Variants in NREP observed in about 807,000 individuals in gnomAD.
The protein encoded by NREP is neuronal regeneration related protein.
Under a neutral mutation model 8.6 loss-of-function variants are expected in NREP, and 5 were observed. The ratio of observed to expected loss-of-function variants is 0.58; its 90% confidence interval spans 0.30 to 1.22. The LOEUF is 1.22. NREP is among the 50% of genes most tolerant of loss of function. The pLI is 0.07. For synonymous variants in NREP, 27 were observed against 28.0 expected, an observed-to-expected ratio of 0.96 and a Z score of 0.11; for missense variants, 86 against 82.5, an observed-to-expected ratio of 1.04 and a Z score of -0.17.
chr5:111,836,657 G>A (rs754731602), intron 2 of NREP, among the ~76,000 whole-genome samples: 1 of 152,008 alleles, frequency 6.6e-6, no homozygotes, highest in Admixed American at 6.6e-5. Flanking sequence ...CCAGAGAAGG[G>A]AGAGAGAGCA....
At chr5:111,874,179 T>A (rs930593595) in intron 2 of NREP, among the ~76,000 whole-genome samples, 3 of 148,670 alleles carry the variant, frequency 2.0e-5, no homozygotes, top group African/African-American at 7.8e-5. Context: ...CATTTTCATA[T>A]ATGTTTTAAA....
intron 2 of NREP, among the ~76,000 whole-genome samples, chr5:111,955,743 A>C (rs1756296416): frequency 6.6e-6 from 1 of 152,056 alleles, no homozygotes; most frequent in South Asian, 2.1e-4. Context: ...GAATAATGAG[A>C]AATATCCAGG....
intron 2 of NREP, among the ~76,000 whole-genome samples, chr5:111,869,726 G>GT (rs2112494176): frequency 6.6e-6 from 1 of 152,284 alleles, no homozygotes; most frequent in African/African-American, 2.4e-5. Context: ...GCATTATGGA[G>GT]TAAAGAATGA....
chr5:111,870,509 T>A (rs1263901793), intron 2 of NREP, among the ~76,000 whole-genome samples: 2 of 152,220 alleles, frequency 1.3e-5, no homozygotes, highest in Non-Finnish European at 2.9e-5. Flanking sequence ...GATTAATTTT[T>A]AAAAATTGAT....
intron 2 of NREP, among the ~76,000 whole-genome samples, chr5:111,765,416 C>T (rs1751057991): frequency 6.6e-6 from 1 of 152,194 alleles, no homozygotes; most frequent in Non-Finnish European, 1.5e-5. Flanking sequence ...ACTGCATAAG[C>T]CCTAATTTCT....
intron 2 of NREP, among the ~76,000 whole-genome samples, chr5:111,889,652 AC>A (rs1296433353): frequency 6.6e-6 from 1 of 152,152 alleles, no homozygotes; most frequent in Non-Finnish European, 1.5e-5. Flanking sequence ...TGAAGTCAAA[AC>A]AAGTTATTTG....
At chr5:111,879,558 G>T (rs1753996036) in intron 2 of NREP, among the ~76,000 whole-genome samples, 1 of 152,124 alleles carries the variant, frequency 6.6e-6, no homozygotes, top group South Asian at 2.1e-4. Context: ...TTAAGTACAG[G>T]TACAGTTTAT....
Position 111,939,378 on chromosome 5 carries a change from A to G in NREP, c.135+35896T>C, listed in dbSNP as rs758013502. On this transcript the variant is annotated intron_variant, in intron 2 of 3. Coordinates refer to the NREP transcript ENST00000395634. ...CCAGGACATCATAACCAAAGCATCAATTTCCCTTTTAAAGATACTTTAGAG... is the reference window on the plus strand; with the variant it reads ...CCAGGACATCATAACCAAAGCATCAGTTTCCCTTTTAAAGATACTTTAGAG... Among the ~76,000 whole-genome samples the G allele has an allele frequency of 1.1e-4, 16 of 152,068 alleles. No individual in the cohort carries two copies. The East Asian group carries it at 2.9e-3, about 28-fold the overall frequency.
At chr5:111,842,530 A>G (rs73789546) in intron 2 of NREP, among the ~76,000 whole-genome samples, 2,303 of 152,280 alleles carry the variant, frequency 0.015, 48 homozygotes, top group African/African-American at 0.041. Context: ...CACAATTCAC[A>G]TATTTTATAT....
intron 2 of NREP, among the ~76,000 whole-genome samples, chr5:111,897,658 C>G (rs1212523531): frequency 1.3e-5 from 2 of 152,070 alleles, no homozygotes; most frequent in African/African-American, 4.8e-5. Flanking sequence ...AAACAGTGCA[C>G]CAACTATAAA....
At chr5:111,959,400 C>G (rs1756420942) in intron 2 of NREP, among the ~76,000 whole-genome samples, 1 of 151,838 alleles carries the variant, frequency 6.6e-6, no homozygotes, top group Admixed American at 6.6e-5. Flanking sequence ...ATTACACTTT[C>G]TGAAAATTCA....
At chr5:111,952,720 A>G (rs533388412) in intron 2 of NREP, among the ~76,000 whole-genome samples, 2 of 152,214 alleles carry the variant, frequency 1.3e-5, no homozygotes, top group South Asian at 4.1e-4. Flanking sequence ...CAGGATGAAA[A>G]AGAAGAGGGG....
At chr5:111,824,230 G>T (rs1276377607) in intron 2 of NREP, among the ~76,000 whole-genome samples, 1 of 152,086 alleles carries the variant, frequency 6.6e-6, no homozygotes, top group Non-Finnish European at 1.5e-5. Flanking sequence ...TTAGCCTGGC[G>T]TAGTGGTGGG....
intron 2 of NREP, among the ~76,000 whole-genome samples, chr5:111,917,946 A>C (rs956382504): frequency 1.3e-5 from 2 of 152,162 alleles, no homozygotes; most frequent in Non-Finnish European, 2.9e-5. Context: ...ACATGACTGT[A>C]TATTTAGAAA....
At position 111,823,459 on chromosome 5, in the gene NREP, CT is replaced by C. The variant is rs556976523; in HGVS notation, c.136-87953del. 4.7e-4 allele frequency among the ~76,000 whole-genome samples: 72 copies of C among 152,238 alleles called. 1 individual carries two copies. Among genetic ancestry groups the C allele is most frequent in the African/African-American group, 1.6e-3 (68 of 41,556 alleles). ...CTGAATTTTAACTTTAATTAAAGTA[CT>C]CATATATATTTATCTTTATCAATAT... On this transcript the variant is annotated intron_variant, in intron 2 of 3. Coordinates refer to the NREP transcript ENST00000395634.
intron 2 of NREP, among the ~76,000 whole-genome samples, chr5:111,932,608 C>A (rs1755572485): frequency 6.6e-6 from 1 of 152,008 alleles, no homozygotes; most frequent in Non-Finnish European, 1.5e-5. Flanking sequence ...CAACATTTTG[C>A]CCCCTCCTTT....
chr5:111,963,842 A>C (rs1163599430), intron 2 of NREP, among the ~76,000 whole-genome samples: 1 of 152,156 alleles, frequency 6.6e-6, no homozygotes, highest in Non-Finnish European at 1.5e-5. Context: ...CTTGATTTTA[A>C]TTTTTTTCTA....
intron 2 of NREP, among the ~76,000 whole-genome samples, chr5:111,907,352 G>A (rs886459932): frequency 2.0e-5 from 3 of 151,946 alleles, no homozygotes; most frequent in Non-Finnish European, 4.4e-5. Context: ...TTTCGTGTTC[G>A]TATCTGTGAA....
intron 2 of NREP, among the ~76,000 whole-genome samples, chr5:111,804,654 C>G (rs972537944): frequency 8.6e-5 from 13 of 151,802 alleles, no homozygotes; most frequent in African/African-American, 1.7e-4. Context: ...CGCTGCTATC[C>G]CTAATATGTA....
Sources: allele counts gnomAD v4.1 joint callset (sites outside exome capture counted in the v4.1 genomes callset), GRCh38; gene constraint gnomAD v4.1.1; transcripts MANE v1.5; gene names NCBI Gene and HGNC (gene_info 2026-07-23, HGNC 2026-07-21).